AFAP1L2: variants seen among roughly 807,000 people sequenced by gnomAD.
AFAP1L2 encodes the protein actin filament-associated protein 1-like 2.
Under a neutral mutation model 99.3 loss-of-function variants are expected in AFAP1L2, and 46 were observed. That is an observed-to-expected ratio of 0.46 (90% CI 0.37 to 0.59). The LOEUF (loss-of-function observed/expected upper bound fraction) is 0.59. Ranked by LOEUF, AFAP1L2 falls within the 20% of genes least tolerant of loss-of-function variation. AFAP1L2 has a pLI of 0.00. For missense variants in AFAP1L2, 959 were observed against 1,034.9 expected, an observed-to-expected ratio of 0.93 and a Z score of 1.01; for synonymous variants, 397 against 419.1, an observed-to-expected ratio of 0.95 and a Z score of 0.64.
chr10:114,308,349 G>A (rs975854126), intron 9 of AFAP1L2, 84 bp downstream of exon 9: 42 of 1,205,766 alleles, frequency 3.5e-5, no homozygotes, highest in South Asian at 3.1e-4. Context: ...GTTAGAATCC[G>A]CTGCTAAAAC....
chr10:114,290,104 C>A, downstream of AFAP1L2: 1 of 1,231,692 alleles, frequency 8.1e-7, no homozygotes, highest in Non-Finnish European at 1.1e-6. Context: ...GTATGCAGCA[C>A]CAACCATGAG....
At chr10:114,304,188 G>C (rs767411715) in intron 11 of AFAP1L2, among the ~76,000 whole-genome samples, 9 of 152,332 alleles carry the variant, frequency 5.9e-5, no homozygotes, top group Non-Finnish European at 1.3e-4. Context: ...GGACATTCAC[G>C]GGCAAGTGTG....
chr10:114,323,476 G>C (rs1475681456), intron 4 of AFAP1L2, among the ~76,000 whole-genome samples: 8 of 152,180 alleles, frequency 5.3e-5, no homozygotes, highest in Non-Finnish European at 1.0e-4. Context: ...TGGGCACGTT[G>C]TTTAACCTTG....
At chr10:114,328,488 C>G (rs7924166) in intron 4 of AFAP1L2, among the ~76,000 whole-genome samples, 101,658 of 152,128 alleles carry the variant, frequency 0.67, 35,326 homozygotes, top group East Asian at 0.92. Flanking sequence ...GAGGAAGAGA[C>G]GCCACAGGGC....
intron 1 of AFAP1L2, among the ~76,000 whole-genome samples, chr10:114,360,566 C>T (rs1008848517): frequency 1.9e-4 from 24 of 126,338 alleles, no homozygotes; most frequent in Admixed American, 1.4e-3. Flanking sequence ...GATAGATAGA[C>T]GGACAGACAG....
chr10:114,294,743 A>G (rs1044516232), downstream of AFAP1L2: 1 of 830,582 alleles, frequency 1.2e-6, no homozygotes, highest in African/African-American at 1.8e-5. Flanking sequence ...CTTGTAGTTC[A>G]GTGTGTAAAT....
At chr10:114,288,791 C>A in the AFAP1L2 span, 2 of 766,566 alleles carry the variant, frequency 2.6e-6, no homozygotes, top group Non-Finnish European at 4.2e-6. Context: ...TGTTCTGTGG[C>A]TAAAAGGAAG....
intron 1 of AFAP1L2, among the ~76,000 whole-genome samples, chr10:114,367,262 A>G (rs2053416836): frequency 2.0e-5 from 3 of 152,218 alleles, no homozygotes; most frequent in Admixed American, 6.5e-5. Context: ...TGTCTATACC[A>G]GGGCAAAACC....
Position 114,297,538 on chromosome 10 carries a change from C to T in AFAP1L2, c.2114-125G>A, listed in dbSNP as rs2040449110. 5 of 1,051,530 alleles carry T rather than the reference C, an allele frequency of 4.8e-6. 1 individual carries two copies. In the Admixed American group the frequency reaches 1.0e-4, roughly 21 times the overall value. 65.1% of individuals were successfully genotyped at this position (1,051,530 alleles called of 1,614,324 possible). ...AAGGACCACAGGTCTGGCCCCAACA[C>T]TCAGAGCCAGGAGGGGCCTGTATGC... is the stretch of plus-strand genomic sequence containing the variant. On this transcript the variant is annotated intron_variant, in intron 16 of 18. Transcript: ENST00000304129.
intron 1 of AFAP1L2, among the ~76,000 whole-genome samples, chr10:114,398,390 C>G (rs1228473356): frequency 6.6e-6 from 1 of 152,194 alleles, no homozygotes; most frequent in Non-Finnish European, 1.5e-5. Context: ...CTGAGAAGCC[C>G]CAACTTATAT....
intron 1 of AFAP1L2, among the ~76,000 whole-genome samples, chr10:114,346,202 T>C (rs1001530466): frequency 3.3e-5 from 5 of 152,242 alleles, no homozygotes; most frequent in Admixed American, 2.6e-4. Flanking sequence ...TCTGGATCCA[T>C]ATCATTGTTC....
chr10:114,312,714 T>A (rs965195923), intron 7 of AFAP1L2, among the ~76,000 whole-genome samples: 3 of 152,204 alleles, frequency 2.0e-5, no homozygotes, highest in African/African-American at 4.8e-5. Flanking sequence ...GTTAGCTCTC[T>A]CAGGAACCCC....
intron 1 of AFAP1L2, among the ~76,000 whole-genome samples, chr10:114,396,978 T>C (rs1042015974): frequency 1.3e-5 from 2 of 152,200 alleles, no homozygotes; most frequent in African/African-American, 4.8e-5. Context: ...CCAGAACCAT[T>C]GCAGACACAC....
At chr10:114,398,666 C>T (rs1253469687) in intron 1 of AFAP1L2, among the ~76,000 whole-genome samples, 9 of 152,250 alleles carry the variant, frequency 5.9e-5, no homozygotes, top group Non-Finnish European at 1.3e-4. Context: ...TGCCCAAGGT[C>T]GCATAGCGAG....
chr10:114,286,150 G>A, the AFAP1L2 span: 4 of 1,614,108 alleles, frequency 2.5e-6, no homozygotes, highest in South Asian at 4.4e-5. Context: ...ACCAGGATGT[G>A]CCTGACCTGG....
chr10:114,299,928 G>A (rs2040846022), intron 15 of AFAP1L2, among the ~76,000 whole-genome samples: 1 of 152,138 alleles, frequency 6.6e-6, no homozygotes, highest in Non-Finnish European at 1.5e-5. Context: ...ATTTGCCAGG[G>A]GCTCTCGGGC....
chr10:114,296,108 A>G (rs775431932), intron 18 of AFAP1L2, 40 bp from the exon 19 acceptor site: 22 of 1,613,642 alleles, frequency 1.4e-5, no homozygotes, highest in East Asian at 2.2e-5. Context: ...CCCCCCACCA[A>G]AAAGATAGTT....
rs575342789 is a variant in AFAP1L2 at position 114,402,857 on chromosome 10, A to C, written c.16+1583T>G. 2.5e-3 allele frequency among the ~76,000 whole-genome samples: 388 copies of C among 152,224 alleles called. 3 individuals are homozygous for C. Among genetic ancestry groups the C allele is most frequent in the African/African-American group, 8.7e-3 (362 of 41,552 alleles). On this transcript the variant is annotated intron_variant, in intron 1 of 18. Transcript: ENST00000304129. ...CAACTAACACCACCCCCACCCCCAT[A>C]CACACACCCCAGCTTTGCAAGTCAG... is the stretch of plus-strand genomic sequence containing the variant.
intron 1 of AFAP1L2, among the ~76,000 whole-genome samples, chr10:114,386,769 C>T (rs150954899): frequency 1.1e-3 from 167 of 152,362 alleles, no homozygotes; most frequent in African/African-American, 3.8e-3. Flanking sequence ...AGCAACGGCA[C>T]ATCCCCAGGC....
Sources: gnomAD v4.1 joint callset for allele counts (sites outside exome capture counted in the v4.1 genomes callset) on GRCh38, gnomAD v4.1.1 for gene constraint, MANE v1.5 for transcripts, NCBI Gene and HGNC (gene_info 2026-07-23, HGNC 2026-07-21) for gene names.